AGMO: variants seen among roughly 807,000 people sequenced by gnomAD.
The protein encoded by AGMO is alkylglycerol monooxygenase.
Under a neutral mutation model 60.2 loss-of-function variants are expected in AGMO, and 75 were observed. The observed-to-expected ratio is 1.25, with a 90% confidence interval of 1.03 to 1.51. AGMO has a LOEUF of 1.51. Among genes scored for constraint, AGMO ranks in the 40% most tolerant of loss-of-function variants. The pLI, the probability that AGMO is intolerant of heterozygous loss-of-function variation, is 0.00. For missense variants in AGMO, 763 were observed against 525.5 expected, an observed-to-expected ratio of 1.45 and a Z score of -4.42; for synonymous variants, 261 against 177.1, an observed-to-expected ratio of 1.47 and a Z score of -3.76.
intron 12 of AGMO, among the ~76,000 whole-genome samples, chr7:15,232,479 G>C (rs1256715647): frequency 6.6e-6 from 1 of 152,000 alleles, no homozygotes; most frequent in East Asian, 1.9e-4. Flanking sequence ...GAATACATGC[G>C]GCATAAAAAT....
intron 5 of AGMO, among the ~76,000 whole-genome samples, chr7:15,413,026 C>T (rs1780659206): frequency 6.6e-6 from 1 of 151,892 alleles, no homozygotes; most frequent in Non-Finnish European, 1.5e-5. Flanking sequence ...TTGAAGTAGA[C>T]CTGAATATGA....
At chr7:15,349,828 G>A (rs942410056) in intron 12 of AGMO, among the ~76,000 whole-genome samples, 13 of 152,168 alleles carry the variant, frequency 8.5e-5, no homozygotes, top group African/African-American at 2.9e-4. Context: ...CAGGTCTGGT[G>A]AGAACTCACT....
intron 3 of AGMO, among the ~76,000 whole-genome samples, chr7:15,456,081 T>A (rs1781992212): frequency 6.6e-6 from 1 of 152,118 alleles, no homozygotes; most frequent in South Asian, 2.1e-4. Flanking sequence ...TTCTTATCTA[T>A]GTCTATGTTA....
chr7:15,407,271 T>G (rs1784731753), intron 5 of AGMO, among the ~76,000 whole-genome samples: 1 of 118,138 alleles, frequency 8.5e-6, no homozygotes, highest in Non-Finnish European at 2.0e-5. Flanking sequence ...ATATGTATAC[T>G]CCATTATATT....
chr7:15,366,260 A>T, intron 10 of AGMO, 38 bp from the exon 11 acceptor site: 6 of 1,504,272 alleles, frequency 4.0e-6, no homozygotes, highest in Non-Finnish European at 5.5e-6. Context: ...AGCCGTTAGA[A>T]GAATTGTTAA....
chr7:15,227,150 C>T (rs547635125), intron 12 of AGMO, among the ~76,000 whole-genome samples: 5 of 152,088 alleles, frequency 3.3e-5, no homozygotes, highest in African/African-American at 9.6e-5. Flanking sequence ...ACTTTGAACT[C>T]CTGCATACCA....
chr7:15,232,868 A>G (rs1028617052), intron 12 of AGMO, among the ~76,000 whole-genome samples: 1 of 151,914 alleles, frequency 6.6e-6, no homozygotes, highest in African/African-American at 2.4e-5. Context: ...AGCTATCACA[A>G]AAGTAGATAG....
At chr7:15,470,431 C>A (rs1239859235) in intron 3 of AGMO, among the ~76,000 whole-genome samples, 1 of 151,804 alleles carries the variant, frequency 6.6e-6, no homozygotes, top group Non-Finnish European at 1.5e-5. Flanking sequence ...TGGGCTTATA[C>A]ATTTTTAAGT....
At chr7:15,357,049 G>A (rs1252552048) in intron 12 of AGMO, among the ~76,000 whole-genome samples, 2 of 151,676 alleles carry the variant, frequency 1.3e-5, no homozygotes, top group African/African-American at 4.8e-5. Context: ...GCTTAAACCT[G>A]GGAGGCGGAG....
chr7:15,337,367 G>A lies in AGMO; in HGVS notation c.1263+28147C>T, dbSNP rs571084189. ...ATTCTCAATCATGCCCGAGAAAGAG[G>A]GAGACAGTAGGGAAGGGGACAGGCA... On this transcript the variant is annotated intron_variant, in intron 12 of 12. Coordinates refer to ENST00000342526, the MANE Select transcript of AGMO (RefSeq NM_001004320.2). Among the ~76,000 whole-genome samples the A allele has an allele frequency of 1.6e-4, 25 of 152,168 alleles. No individual in the cohort carries two copies. In the East Asian group the frequency reaches 3.9e-3, roughly 24 times the overall value.
At chr7:15,131,532 C>T in the AGMO span, among the ~76,000 whole-genome samples, 1 of 152,012 alleles carries the variant, frequency 6.6e-6, no homozygotes, top group Non-Finnish European at 1.5e-5. Context: ...GACTATGGCA[C>T]AAGTTGTGGA....
chr7:15,394,801 C>A (rs185171790), intron 5 of AGMO, among the ~76,000 whole-genome samples: 3 of 152,136 alleles, frequency 2.0e-5, no homozygotes, highest in Non-Finnish European at 4.4e-5. Context: ...CAAATAGAAT[C>A]CTAAATCATC....
At chr7:15,351,775 T>A (rs116124296) in intron 12 of AGMO, among the ~76,000 whole-genome samples, 1 of 152,186 alleles carries the variant, frequency 6.6e-6, no homozygotes, top group African/African-American at 2.4e-5. Flanking sequence ...AATAACAAAG[T>A]ATACGGCTAG....
At chr7:15,289,840 T>A (rs1220979393) in intron 12 of AGMO, among the ~76,000 whole-genome samples, 1 of 152,000 alleles carries the variant, frequency 6.6e-6, no homozygotes, top group Non-Finnish European at 1.5e-5. Flanking sequence ...TAAATGAGTA[T>A]TCTCTTGGGT....
At chr7:15,550,257 C>A (rs1784910152) in intron 2 of AGMO, among the ~76,000 whole-genome samples, 1 of 151,164 alleles carries the variant, frequency 6.6e-6, no homozygotes, top group Non-Finnish European at 1.5e-5. Flanking sequence ...ATTAAAAGAA[C>A]TAGAAAAGCA....
intron 12 of AGMO, among the ~76,000 whole-genome samples, chr7:15,272,401 T>C (rs1783643538): frequency 1.3e-5 from 2 of 151,482 alleles, no homozygotes; most frequent in Non-Finnish European, 2.9e-5. Context: ...GTTCTTGGGA[T>C]AGTTTCCTGA....
At chr7:15,170,616 AGAGT>A in the AGMO span, among the ~76,000 whole-genome samples, 1 of 152,222 alleles carries the variant, frequency 6.6e-6, no homozygotes, top group South Asian at 2.1e-4. Flanking sequence ...AAGATAGTAT[AGAGT>A]ATTTCCATAT....
At chr7:15,364,181 T>C (rs1459980218) in intron 12 of AGMO, among the ~76,000 whole-genome samples, 3 of 151,918 alleles carry the variant, frequency 2.0e-5, no homozygotes, top group Non-Finnish European at 4.4e-5. Context: ...GTTTTAAAGG[T>C]ATCAAAGAAT....
chr7:15,289,839 A>G (rs889903108), intron 12 of AGMO, among the ~76,000 whole-genome samples: 3 of 148,744 alleles, frequency 2.0e-5, no homozygotes, highest in African/African-American at 7.4e-5. Flanking sequence ...ATAAATGAGT[A>G]TTCTCTTGGG....
Sources: gnomAD v4.1 joint callset for allele counts (sites outside exome capture counted in the v4.1 genomes callset) on GRCh38, gnomAD v4.1.1 for gene constraint, MANE v1.5 for transcripts, NCBI Gene and HGNC (gene_info 2026-07-23, HGNC 2026-07-21) for gene names.